Variants in HYDIN observed in about 807,000 individuals in gnomAD.
The protein encoded by HYDIN is HYDIN axonemal central pair apparatus protein.
In HYDIN, 132 loss-of-function variants were observed where a neutral mutation model predicts 403.9. The observed-to-expected ratio is 0.33, with a 90% CI of 0.28 to 0.38. The LOEUF is 0.38. Among genes scored for constraint, HYDIN ranks in the 10% least tolerant of loss-of-function variants. HYDIN has a pLI of 1.00. For missense variants in HYDIN, 2,827 were observed against 5,009.5 expected, an observed-to-expected ratio of 0.56 and a Z score of 13.15; for synonymous variants, 1,202 against 1,891.7, an observed-to-expected ratio of 0.64 and a Z score of 9.46.
chr16:71,195,756 T>G (rs186134769), intron 1 of HYDIN, among the ~76,000 whole-genome samples: 5 of 152,292 alleles, frequency 3.3e-5, no homozygotes, highest in Admixed American at 6.5e-5. Context: ...ATATCTTAGG[T>G]AGATAAAAGA....
At chr16:71,115,956 T>C (rs2084010547) in intron 9 of HYDIN, among the ~76,000 whole-genome samples, 161 bp from the exon 10 acceptor site, 1 of 152,198 alleles carries the variant, frequency 6.6e-6, no homozygotes, top group South Asian at 2.1e-4. Flanking sequence ...GTGAAATGAT[T>C]ACTGCAGTCA....
intron 23 of HYDIN, among the ~76,000 whole-genome samples, chr16:70,998,183 C>T (rs552523087): frequency 2.6e-5 from 4 of 152,332 alleles, no homozygotes; most frequent in African/African-American, 7.2e-5. Context: ...GTTTTATTCT[C>T]CCTAGCACAG....
At chr16:71,001,872 C>T (rs1480176148) in intron 23 of HYDIN, among the ~76,000 whole-genome samples, 2 of 152,070 alleles carry the variant, frequency 1.3e-5, no homozygotes, top group East Asian at 1.9e-4. Flanking sequence ...ACACTTGGTA[C>T]GATCATATTT....
chr16:70,880,359 G>A (rs1236239204), intron 60 of HYDIN, among the ~76,000 whole-genome samples: 6 of 142,694 alleles, frequency 4.2e-5, no homozygotes, highest in East Asian at 4.1e-4. Flanking sequence ...GTGCCGGGCC[G>A]GTGCTGGTTG....
Position 70,892,547 on chromosome 16 carries a change from G to A in HYDIN, c.9249-18C>T, listed in dbSNP as rs746550593. Reference sequence around the variant, plus strand: ...CGGAAAAGCTGAAAGACAAGAATAAGAAGTCAGCCTAGGTCATTATCCCGG... The same window carrying A: ...CGGAAAAGCTGAAAGACAAGAATAAAAAGTCAGCCTAGGTCATTATCCCGG... On this transcript the variant is annotated intron_variant, in intron 55 of 85. Coordinates refer to ENST00000393567, the MANE Select transcript of HYDIN (RefSeq NM_001270974.2). 2 of 1,605,874 alleles carry A rather than the reference G, an allele frequency of 1.2e-6. No homozygotes were observed. The highest frequency in any genetic ancestry group is 1.7e-6 in the Non-Finnish European group (2 of 1,176,102).
At chr16:71,194,451 G>A (rs1027088953) in intron 1 of HYDIN, among the ~76,000 whole-genome samples, 2 of 152,134 alleles carry the variant, frequency 1.3e-5, no homozygotes, top group African/African-American at 4.8e-5. Flanking sequence ...CTCAGAAAGA[G>A]CTGTTAGCAG....
intron 1 of HYDIN, among the ~76,000 whole-genome samples, chr16:71,199,687 T>C (rs2087888598): frequency 6.6e-6 from 1 of 152,162 alleles, no homozygotes; most frequent in East Asian, 1.9e-4. Context: ...TAGCCTACCA[T>C]TATCAGAAGC....
intron 10 of HYDIN, among the ~76,000 whole-genome samples, chr16:71,099,954 G>C (rs1597779488): frequency 6.6e-6 from 1 of 152,302 alleles, no homozygotes; most frequent in South Asian, 2.1e-4. Context: ...AGTGAGCTAT[G>C]ATCACATCAC....
intron 17 of HYDIN, among the ~76,000 whole-genome samples, chr16:71,061,524 G>A (rs2082079147): frequency 6.6e-6 from 1 of 152,244 alleles, no homozygotes; most frequent in Non-Finnish European, 1.5e-5. Flanking sequence ...AAGCAGTGGA[G>A]AGCTTTCCAT....
intron 18 of HYDIN, among the ~76,000 whole-genome samples, chr16:71,049,746 T>C (rs1175931729): frequency 1.4e-5 from 2 of 145,884 alleles, no homozygotes; most frequent in East Asian, 4.0e-4. Flanking sequence ...TGTGAAACCA[T>C]AGCAGTGAGG....
At chr16:71,126,566 T>C (rs2084469195) in intron 9 of HYDIN, among the ~76,000 whole-genome samples, 2 of 152,148 alleles carry the variant, frequency 1.3e-5, no homozygotes, top group South Asian at 4.1e-4. Context: ...TCCAAGTCTC[T>C]TCCCAGCTGC....
chr16:71,094,745 A>G (rs1281709025), intron 10 of HYDIN, among the ~76,000 whole-genome samples: 1 of 152,272 alleles, frequency 6.6e-6, no homozygotes. Context: ...CAGCAGAGGA[A>G]AAGTCTGTCC....
At chr16:71,229,481 A>G (rs2041186257) in intron 1 of HYDIN, among the ~76,000 whole-genome samples, 1 of 152,220 alleles carries the variant, frequency 6.6e-6, no homozygotes, top group Non-Finnish European at 1.5e-5. Flanking sequence ...AGTTTTACTT[A>G]TTAATAATTA....
intron 62 of HYDIN, among the ~76,000 whole-genome samples, chr16:70,875,832 G>A (rs1291645053): frequency 6.6e-6 from 1 of 152,144 alleles, no homozygotes; most frequent in Non-Finnish European, 1.5e-5. Flanking sequence ...GCTTATTTGA[G>A]AGATTAATAG....
chr16:71,097,689 C>T (rs1456165748), intron 10 of HYDIN, among the ~76,000 whole-genome samples: 1 of 145,566 alleles, frequency 6.9e-6, no homozygotes, highest in East Asian at 2.1e-4. Flanking sequence ...GGGGATATCA[C>T]CACTTTGAAA....
At chr16:70,834,874 A>ATGTGTGTG (rs976761309) in intron 78 of HYDIN, among the ~76,000 whole-genome samples, 2 of 146,074 alleles carry the variant, frequency 1.4e-5, no homozygotes, top group East Asian at 2.0e-4. Context: ...ACATATATAT[A>ATGTGTGTG]TGTGTGTGTG....
At chr16:71,040,758 C>CA (rs1336302146) in intron 18 of HYDIN, among the ~76,000 whole-genome samples, 1 of 117,906 alleles carries the variant, frequency 8.5e-6, no homozygotes, top group African/African-American at 3.3e-5. Flanking sequence ...CTTAGGGCCC[C>CA]ACTGCATTTT....
chr16:70,812,801 T>C (rs2035589243), intron 84 of HYDIN, among the ~76,000 whole-genome samples: 1 of 152,148 alleles, frequency 6.6e-6, no homozygotes, highest in African/African-American at 2.4e-5. Context: ...AGGCCCAAGA[T>C]GGTCCTCAAT....
chr16:71,065,707 G>A (rs2082241883), intron 15 of HYDIN, among the ~76,000 whole-genome samples: 1 of 152,050 alleles, frequency 6.6e-6, no homozygotes, highest in African/African-American at 2.4e-5. Flanking sequence ...GATTGATATT[G>A]GCATTATAAA....
Sources: gnomAD v4.1 joint callset for allele counts (sites outside exome capture counted in the v4.1 genomes callset) on GRCh38, gnomAD v4.1.1 for gene constraint, MANE v1.5 for transcripts, NCBI Gene and HGNC (gene_info 2026-07-23, HGNC 2026-07-21) for gene names.